GPR176: variants seen among roughly 807,000 people sequenced by gnomAD.
GPR176 encodes G protein-coupled receptor 176, also known as G-protein coupled receptor 176.
In GPR176, 26 loss-of-function variants were observed where a neutral mutation model predicts 35.4. That is an observed-to-expected ratio of 0.74 (90% CI 0.54 to 1.02). The LOEUF (loss-of-function observed/expected upper bound fraction) is 1.02. GPR176 is among the 50% of genes least tolerant of loss of function. GPR176 has a pLI of 0.00. For synonymous variants in GPR176, 278 were observed against 271.3 expected, an observed-to-expected ratio of 1.02 and a Z score of -0.24; for missense variants, 597 against 665.3, an observed-to-expected ratio of 0.90 and a Z score of 1.13.
intron 1 of GPR176, among the ~76,000 whole-genome samples, chr15:39,882,279 T>C (rs1250327493): frequency 6.6e-6 from 1 of 152,216 alleles, no homozygotes; most frequent in Non-Finnish European, 1.5e-5. Context: ...AAATTATTAA[T>C]GGCTCTATCA....
intron 1 of GPR176, among the ~76,000 whole-genome samples, chr15:39,845,712 G>C (rs2030372969): frequency 6.6e-6 from 1 of 152,194 alleles, no homozygotes; most frequent in South Asian, 2.1e-4. Flanking sequence ...ACCTTAGTAA[G>C]CGGGAGAGAG....
intron 1 of GPR176, among the ~76,000 whole-genome samples, chr15:39,888,400 C>T (rs1229158173): frequency 1.3e-5 from 2 of 152,126 alleles, no homozygotes; most frequent in Non-Finnish European, 2.9e-5. Flanking sequence ...ATCCTCTCAC[C>T]TCAGTCCCCC....
Position 39,919,962 on chromosome 15 carries a change from T to A in GPR176, c.65A>T (p.Glu22Val). The A allele has an allele frequency of 6.7e-7, 1 of 1,487,766 alleles. No homozygotes were observed. The highest frequency in any genetic ancestry group is 8.9e-7 in the Non-Finnish European group (1 of 1,119,468). The allele number at this position is 1,487,766 out of a possible 1,614,324, so 92.2% of individuals were successfully genotyped here. Reference protein sequence around the residue: ...ASEPHNASGAEAAGVNRSALG... With the variant: ...ASEPHNASGAVAAGVNRSALG... ...CGCGCTGCGGTTCACACCCGCAGCCTCGGCGCCGGACGCGTTGTGCGGCTC... is the reference window on the plus strand; with the variant it reads ...CGCGCTGCGGTTCACACCCGCAGCCACGGCGCCGGACGCGTTGTGCGGCTC... Residue 22 changes from glutamate (E) to valine (V), a missense_variant, in exon 1 of 3, where the codon GAG (glutamate) becomes GTG (valine). This residue lies in a region of GPR176 where 126 missense variants were observed against 112.4 expected (regional missense o/e 1.12). Coordinates refer to ENST00000561100, the MANE Select transcript of GPR176 (RefSeq NM_007223.3).
In GPR176 at chr15:39,863,306, C is replaced by CAGGA. The variant is rs536465856; in HGVS notation, c.173-56049_173-56048insTCCT. On this transcript the variant is annotated intron_variant, in intron 1 of 2. Coordinates refer to ENST00000561100, the MANE Select transcript of GPR176 (RefSeq NM_007223.3). ...CCGTGTTAGCCAGGATAGTCTTGAT[C>CAGGA]TCCTGTATGTCTTAGTTTTTAACAA... 3.2e-3 allele frequency among the ~76,000 whole-genome samples: 481 copies of CAGGA among 151,386 alleles called. 1 individual carries two copies. The highest frequency in any genetic ancestry group is 0.011 in the African/African-American group (460 of 41,364).
At chr15:39,882,834 G>T (rs1201340481) in intron 1 of GPR176, among the ~76,000 whole-genome samples, 11 of 152,168 alleles carry the variant, frequency 7.2e-5, no homozygotes, top group Admixed American at 7.2e-4. Flanking sequence ...GTCATCAAGG[G>T]TGCTCATGCA....
At chr15:39,903,971 G>A (rs1035366990) in intron 1 of GPR176, among the ~76,000 whole-genome samples, 1 of 152,132 alleles carries the variant, frequency 6.6e-6, no homozygotes, top group Non-Finnish European at 1.5e-5. Context: ...CCATTTTTAT[G>A]GTTATTTCTT....
intron 1 of GPR176, among the ~76,000 whole-genome samples, chr15:39,825,565 A>T (rs1007335969): frequency 1.3e-5 from 2 of 152,194 alleles, no homozygotes; most frequent in South Asian, 4.1e-4. Context: ...CCACAGTGTG[A>T]ATATATTACA....
At chr15:39,806,587 G>T (rs1366826727) in intron 2 of GPR176, among the ~76,000 whole-genome samples, 1 of 152,168 alleles carries the variant, frequency 6.6e-6, no homozygotes, top group Non-Finnish European at 1.5e-5. Flanking sequence ...CCATCTAATC[G>T]CTTGTTAAAT....
At chr15:39,889,078 T>C (rs996034091) in intron 1 of GPR176, among the ~76,000 whole-genome samples, 1 of 152,222 alleles carries the variant, frequency 6.6e-6, no homozygotes, top group Non-Finnish European at 1.5e-5. Flanking sequence ...AACTAAGCTT[T>C]ATCTACCATG....
At chr15:39,874,218 C>T (rs1004706876) in intron 1 of GPR176, among the ~76,000 whole-genome samples, 11 of 152,202 alleles carry the variant, frequency 7.2e-5, no homozygotes, top group African/African-American at 2.6e-4. Flanking sequence ...CAAAATTGAC[C>T]TGTAGTGTGG....
At chr15:39,859,504 A>AC (rs200158294) in intron 1 of GPR176, among the ~76,000 whole-genome samples, 2 of 151,128 alleles carry the variant, frequency 1.3e-5, no homozygotes, top group African/African-American at 4.9e-5. Context: ...AAAAAAAAAA[A>AC]CAAAACAAAA....
At chr15:39,885,778 T>C (rs965668544) in intron 1 of GPR176, among the ~76,000 whole-genome samples, 6 of 152,206 alleles carry the variant, frequency 3.9e-5, no homozygotes. Context: ...AATAATTACA[T>C]GTTTCAGCCA....
At chr15:39,890,457 AG>A (rs138036979) in intron 1 of GPR176, among the ~76,000 whole-genome samples, 2,181 of 152,346 alleles carry the variant, frequency 0.014, 59 homozygotes, top group African/African-American at 0.05. Context: ...GGTGAATGGA[AG>A]GCTGAGGAGA....
intron 1 of GPR176, chr15:39,862,158 A>C (rs568130632): frequency 6.6e-6 from 1 of 152,308 alleles, no homozygotes; most frequent in Admixed American, 6.5e-5. Flanking sequence ...TTACTGGTAC[A>C]ATCTAAAAAC....
At chr15:39,857,827 C>A (rs1323052708) in intron 1 of GPR176, among the ~76,000 whole-genome samples, 1 of 150,934 alleles carries the variant, frequency 6.6e-6, no homozygotes, top group East Asian at 1.9e-4. Flanking sequence ...AAAAATTAGC[C>A]GGGCATGGTG....
At chr15:39,871,331 T>G (rs2032033789) in intron 1 of GPR176, among the ~76,000 whole-genome samples, 1 of 152,284 alleles carries the variant, frequency 6.6e-6, no homozygotes, top group East Asian at 1.9e-4. Context: ...AATAATATTT[T>G]GAGGTTCCAA....
At chr15:39,866,577 A>T (rs2031838375) in intron 1 of GPR176, among the ~76,000 whole-genome samples, 1 of 152,226 alleles carries the variant, frequency 6.6e-6, no homozygotes, top group Non-Finnish European at 1.5e-5. Context: ...TAATTTAAGT[A>T]TATTATAGGA....
intron 1 of GPR176, among the ~76,000 whole-genome samples, chr15:39,854,009 T>G (rs1296590488): frequency 1.3e-5 from 2 of 152,292 alleles, no homozygotes; most frequent in East Asian, 3.9e-4. Context: ...CACAGTAAAC[T>G]GAGGTCAAGT....
intron 1 of GPR176, among the ~76,000 whole-genome samples, chr15:39,887,288 C>A (rs2032706760): frequency 6.6e-6 from 1 of 152,160 alleles, no homozygotes; most frequent in Admixed American, 6.5e-5. Flanking sequence ...AAAAACAGCA[C>A]AGTCAAGAAT....
Sources: gnomAD v4.1 joint callset for allele counts (sites outside exome capture counted in the v4.1 genomes callset) on GRCh38, gnomAD v4.1.1 for gene constraint, gnomAD v4.1.1 regional missense constraint, MANE v1.5 for transcripts, NCBI Gene and HGNC (gene_info 2026-07-23, HGNC 2026-07-21) for gene names.